The following RYR2 variants were observed in gnomAD, a reference collection of about 807,000 sequenced individuals.
RYR2 encodes the protein cardiac muscle ryanodine receptor-calcium release channel.
Under a neutral mutation model 601.1 loss-of-function variants are expected in RYR2, and 227 were observed. The ratio of observed to expected loss-of-function variants is 0.38; its 90% confidence interval spans 0.34 to 0.42. The LOEUF (loss-of-function observed/expected upper bound fraction) is 0.42, where lower values mean the gene tolerates loss of function less well. RYR2 is among the 10% of genes least tolerant of loss of function. RYR2 has a pLI of 1.00. For synonymous variants in RYR2, 2,223 were observed against 2,175.1 expected (o/e 1.02, Z -0.61); for missense variants, 4,646 against 6,156.5 (o/e 0.75, Z 8.21).
Position 237,267,925 on chromosome 1 carries a change from C to T in RYR2, c.49-2572C>T, listed in dbSNP as rs1013769531. Among the ~76,000 whole-genome samples the T allele has an allele frequency of 3.9e-5, 6 of 152,094 alleles. No individual in the cohort carries two copies. The South Asian group carries it at 8.3e-4, about 21-fold the overall frequency. On this transcript the variant is annotated intron_variant, in intron 1 of 104. Coordinates refer to ENST00000366574, the MANE Select transcript of RYR2 (RefSeq NM_001035.3). ...AACAAGTTACTTTATGTCTCATTTT[C>T]CTCATCTAGATATGTGTGGGTCCTC...
At chr1:237,768,335 A>T (rs79464890) in intron 84 of RYR2, among the ~76,000 whole-genome samples, 1 of 152,186 alleles carries the variant, frequency 6.6e-6, no homozygotes, top group Non-Finnish European at 1.5e-5. Flanking sequence ...ATTTACAAAA[A>T]ATTACCACAG....
intron 67 of RYR2, 71 bp downstream of exon 67, chr1:237,705,414 G>C: frequency 7.7e-7 from 1 of 1,297,586 alleles, no homozygotes. Context: ...TTGTCCAATA[G>C]TGATTTTTAA....
intron 5 of RYR2, among the ~76,000 whole-genome samples, chr1:237,367,603 A>G (rs1700306501): frequency 6.6e-6 from 1 of 152,176 alleles, no homozygotes. Context: ...ACAGGTCAGT[A>G]TCATCACTCT....
At chr1:237,053,600 C>T (rs10925300) in intron 1 of RYR2, among the ~76,000 whole-genome samples, 26,292 of 152,168 alleles carry the variant, frequency 0.17, 3,284 homozygotes, top group African/African-American at 0.35. Flanking sequence ...CGCCAGCGCC[C>T]GGTCTCTTCT....
intron 10 of RYR2, among the ~76,000 whole-genome samples, chr1:237,394,112 A>G (rs7522832): frequency 0.02 from 3,063 of 152,340 alleles, 93 homozygotes; most frequent in African/African-American, 0.07. Flanking sequence ...CACTGGGTTT[A>G]TTAACTTAAT....
chr1:237,239,167 G>T (rs1309932447), intron 1 of RYR2, among the ~76,000 whole-genome samples: 2 of 152,128 alleles, frequency 1.3e-5, no homozygotes, highest in Non-Finnish European at 2.9e-5. Context: ...TTTTGAAAAT[G>T]CTTCTGAACT....
intron 89 of RYR2, among the ~76,000 whole-genome samples, chr1:237,782,061 C>G (rs1695160908): frequency 6.6e-6 from 1 of 152,066 alleles, no homozygotes; most frequent in South Asian, 2.1e-4. Flanking sequence ...AAAGCCGTGG[C>G]ACTGCTGGGA....
intron 1 of RYR2, among the ~76,000 whole-genome samples, chr1:237,103,807 G>A (rs548154552): frequency 6.6e-6 from 1 of 152,322 alleles, no homozygotes; most frequent in Admixed American, 6.5e-5. Flanking sequence ...GACTTCAGGT[G>A]GTCCACCCGC....
At chr1:237,433,781 C>A (rs566221345) in intron 12 of RYR2, among the ~76,000 whole-genome samples, 1 of 152,014 alleles carries the variant, frequency 6.6e-6, no homozygotes, top group Non-Finnish European at 1.5e-5. Context: ...TAAAAAATGA[C>A]GTAACATATA....
intron 24 of RYR2, among the ~76,000 whole-genome samples, chr1:237,519,711 T>A (rs1243233366): frequency 4.6e-5 from 7 of 152,202 alleles, no homozygotes; most frequent in Admixed American, 6.5e-5. Flanking sequence ...TGAAGTCAGG[T>A]AATATGATGC....
chr1:237,522,542 T>G (rs1667193620), intron 24 of RYR2, among the ~76,000 whole-genome samples: 1 of 152,204 alleles, frequency 6.6e-6, no homozygotes, highest in Non-Finnish European at 1.5e-5. Flanking sequence ...GCTTTCCCTG[T>G]GTGTGGGAAT....
chr1:237,824,027 G>A (rs572000747), intron 101 of RYR2, among the ~76,000 whole-genome samples: 1 of 152,224 alleles, frequency 6.6e-6, no homozygotes, highest in South Asian at 2.1e-4. Context: ...TGAAATTGAG[G>A]CAGTAATTAA....
intron 3 of RYR2, among the ~76,000 whole-genome samples, chr1:237,355,016 A>G (rs919344292): frequency 3.9e-5 from 6 of 152,156 alleles, no homozygotes; most frequent in Admixed American, 3.9e-4. Context: ...TTGCTTCCCA[A>G]AAGCTTGCTT....
At chr1:237,563,844 G>A (rs2148220438) in intron 27 of RYR2, among the ~76,000 whole-genome samples, 1 of 152,166 alleles carries the variant, frequency 6.6e-6, no homozygotes, top group East Asian at 1.9e-4. Flanking sequence ...GTGAAGTCTT[G>A]ATATATTAGA....
At chr1:237,074,176 G>C (rs1255106963) in intron 1 of RYR2, among the ~76,000 whole-genome samples, 2 of 151,938 alleles carry the variant, frequency 1.3e-5, no homozygotes, top group Non-Finnish European at 2.9e-5. Flanking sequence ...AAATTAGCTG[G>C]GTGTGGTGGA....
chr1:237,223,276 G>A (rs1429622672), intron 1 of RYR2, among the ~76,000 whole-genome samples: 1 of 152,186 alleles, frequency 6.6e-6, no homozygotes. Context: ...GGGTCTTCTT[G>A]CTGTGTCCTC....
At chr1:237,446,891 A>G (rs1486649548) in intron 14 of RYR2, among the ~76,000 whole-genome samples, 1 of 152,154 alleles carries the variant, frequency 6.6e-6, no homozygotes, top group Non-Finnish European at 1.5e-5. Context: ...GTAAAAATTT[A>G]TTACATTTTA....
chr1:237,209,115 TTATA>T (rs1682259769), intron 1 of RYR2, among the ~76,000 whole-genome samples: 1 of 150,356 alleles, frequency 6.7e-6, no homozygotes, highest in East Asian at 1.9e-4. Context: ...CACATAATGA[TTATA>T]TATGTGTAAC....
At chr1:237,591,939 C>T in intron 32 of RYR2, 86 bp downstream of exon 32, 1 of 889,354 alleles carries the variant, frequency 1.1e-6, no homozygotes, top group Non-Finnish European at 1.7e-6. Flanking sequence ...ATTCATCATA[C>T]TTAGTAACAT....
Sources: gnomAD v4.1 joint callset for allele counts (sites outside exome capture counted in the v4.1 genomes callset) on GRCh38, gnomAD v4.1.1 for gene constraint, MANE v1.5 for transcripts, NCBI Gene and HGNC (gene_info 2026-07-23, HGNC 2026-07-21) for gene names.